Variants in FRAS1 observed in about 807,000 individuals in gnomAD.
FRAS1 encodes the protein extracellular matrix organizing protein FRAS1.
FRAS1 carries 290 observed loss-of-function variants against 435.2 expected under a neutral mutation model. The ratio of observed to expected loss-of-function variants is 0.67; its 90% CI spans 0.61 to 0.73. The LOEUF (loss-of-function observed/expected upper bound fraction) is 0.73, where lower values mean the gene tolerates loss of function less well. Among genes scored for constraint, FRAS1 ranks in the 30% least tolerant of loss-of-function variants. The pLI, the probability that FRAS1 is intolerant of heterozygous loss-of-function variation, is 0.00. For synonymous variants in FRAS1, 1,800 were observed against 1,851.0 expected, an observed-to-expected ratio of 0.97 and a Z score of 0.71; for missense variants, 4,860 against 5,001.5, an observed-to-expected ratio of 0.97 and a Z score of 0.85.
At chr4:78,412,883 C>G in intron 31 of FRAS1, 86 bp from the exon 32 acceptor site, 2 of 623,388 alleles carry the variant, frequency 3.2e-6, no homozygotes, top group Non-Finnish European at 5.4e-6. Flanking sequence ...TCAAAGACAG[C>G]TGGCTTAAAA....
intron 65 of FRAS1, among the ~76,000 whole-genome samples, chr4:78,514,137 G>T (rs1429012082): frequency 1.3e-5 from 2 of 152,244 alleles, no homozygotes. Flanking sequence ...TCTCGGCCAT[G>T]GCAGGGAGCT....
chr4:78,155,721 G>A (rs528846766), intron 2 of FRAS1, among the ~76,000 whole-genome samples: 3 of 152,204 alleles, frequency 2.0e-5, no homozygotes, highest in East Asian at 1.9e-4. Flanking sequence ...TTGCACTGTG[G>A]TATCTTTTAC....
At chr4:78,130,601 A>G (rs1269840674) in intron 2 of FRAS1, among the ~76,000 whole-genome samples, 1 of 152,206 alleles carries the variant, frequency 6.6e-6, no homozygotes, top group Non-Finnish European at 1.5e-5. Context: ...ATATTCAATT[A>G]TTCATTAACC....
intron 28 of FRAS1, among the ~76,000 whole-genome samples, chr4:78,386,577 T>C (rs1732225005): frequency 6.6e-6 from 1 of 152,198 alleles, no homozygotes; most frequent in Admixed American, 6.5e-5. Context: ...GAAAGCAGTG[T>C]GTTGAGAAAA....
At chr4:78,467,687 C>G (rs1719576505) in intron 50 of FRAS1, among the ~76,000 whole-genome samples, 1 of 152,182 alleles carries the variant, frequency 6.6e-6, no homozygotes, top group Admixed American at 6.5e-5. Flanking sequence ...TACATTCCCA[C>G]CAACAGTGTA....
chr4:78,214,979 C>T (rs1048394773), intron 2 of FRAS1, among the ~76,000 whole-genome samples: 5 of 152,014 alleles, frequency 3.3e-5, no homozygotes, highest in East Asian at 1.9e-4. Context: ...GTCTTTCCCC[C>T]GATCTCTAAA....
intron 50 of FRAS1, 36 bp from the exon 51 acceptor site, chr4:78,469,942 T>C (rs750617284): frequency 6.8e-7 from 1 of 1,477,574 alleles, no homozygotes; most frequent in Non-Finnish European, 9.4e-7. Flanking sequence ...CAGGTACTTG[T>C]GAATGATGAG....
rs555927708 is a variant in FRAS1, at chr4:78,300,943, T to G, written c.1535-7123T>G. ...CCCACCACCCCCACCACTGTTACTC[T>G]TTATTGCAGAGCCCTTTTTAGCACT... On this transcript the variant is annotated intron_variant, in intron 14 of 73. Transcript: ENST00000512123. 3.9e-4 allele frequency among the ~76,000 whole-genome samples: 60 copies of G among 152,318 alleles called. 1 individual carries two copies. In the South Asian group the frequency reaches 0.012, roughly 31 times the overall value.
intron 1 of FRAS1, among the ~76,000 whole-genome samples, chr4:78,062,046 T>C (rs983039854): frequency 6.6e-6 from 1 of 152,230 alleles, no homozygotes; most frequent in Non-Finnish European, 1.5e-5. Flanking sequence ...GATTGGATTC[T>C]GGGCATTACT....
chr4:78,184,889 G>C (rs1009530017), intron 2 of FRAS1, among the ~76,000 whole-genome samples: 24 of 152,164 alleles, frequency 1.6e-4, no homozygotes, highest in African/African-American at 5.5e-4. Flanking sequence ...TAAATAACTG[G>C]GAAAAAGTTT....
intron 2 of FRAS1, among the ~76,000 whole-genome samples, chr4:78,077,956 T>C (rs537262248): frequency 2.5e-4 from 38 of 151,084 alleles, no homozygotes; most frequent in Non-Finnish European, 4.3e-4. Context: ...GAAAACTCCA[T>C]GAATCCAAGT....
chr4:78,294,572 A>G (rs774471397), intron 14 of FRAS1, among the ~76,000 whole-genome samples: 46 of 152,242 alleles, frequency 3.0e-4, no homozygotes, highest in Admixed American at 5.2e-4. Flanking sequence ...CCTCTGACTT[A>G]TGAAGCAATG....
chr4:78,136,310 C>A (rs1323517609), intron 2 of FRAS1, among the ~76,000 whole-genome samples: 1 of 152,162 alleles, frequency 6.6e-6, no homozygotes, highest in East Asian at 1.9e-4. Context: ...TGTTTGACCT[C>A]TGCTGGGAAT....
At chr4:78,178,134 T>A (rs1331356384) in intron 2 of FRAS1, among the ~76,000 whole-genome samples, 1 of 152,160 alleles carries the variant, frequency 6.6e-6, no homozygotes, top group Non-Finnish European at 1.5e-5. Flanking sequence ...ATCACTTTAA[T>A]CTCTGTCTCT....
chr4:78,518,368 T>C (rs11731575), intron 66 of FRAS1, among the ~76,000 whole-genome samples: 20,584 of 148,880 alleles, frequency 0.14, 1,732 homozygotes, highest in Non-Finnish European at 0.2. Flanking sequence ...TAGTATATTA[T>C]AGTAATTAGC....
At position 78,482,416 on chromosome 4, in the gene FRAS1, C is replaced by T. The variant is rs751786938; in HGVS notation, c.8633C>T (p.Thr2878Ile). ...TGCACCTTGACTATCTTGGATGACA[C>T]TCAGTATCCGGTAATTGAAGGACTG... The part of the protein sequence containing the change: ...QYCTLTILDD[T>I]QYPVIEGLET... The change falls in exon 58 of 74, where the codon ACT becomes ATT. Residue 2878 changes from threonine (T) to isoleucine (I), a missense_variant. Thr to Ile is a moderately conservative substitution (Grantham distance 89, BLOSUM62 -1). Coordinates refer to ENST00000512123, the MANE Select transcript of FRAS1 (RefSeq NM_025074.7). 1 of 1,613,834 alleles carries T rather than the reference C, an allele frequency of 6.2e-7. No individual in the cohort carries two copies. The highest frequency in any genetic ancestry group is 8.5e-7 in the Non-Finnish European group (1 of 1,179,806).
chr4:78,234,874 T>C (rs2110111943), intron 2 of FRAS1, among the ~76,000 whole-genome samples: 1 of 152,362 alleles, frequency 6.6e-6, no homozygotes, highest in East Asian at 1.9e-4. Context: ...TCTACACCAA[T>C]GTTGGTATAT....
rs532170030 is a variant in FRAS1, at chr4:78,081,753, T to G, written c.108+15737T>G. Among the ~76,000 whole-genome samples the G allele has an allele frequency of 2.0e-5, 3 of 152,230 alleles. No homozygotes were observed. In the East Asian group the frequency reaches 5.8e-4, roughly 29 times the overall value. On this transcript the variant is annotated intron_variant, in intron 2 of 73. Transcript: ENST00000512123. ...TTAAGGAAGTCCAGGCCTGAGCAGCTGCCTCAGGGCATCGTAGCTGATGGA... is the reference window on the plus strand; with the variant it reads ...TTAAGGAAGTCCAGGCCTGAGCAGCGGCCTCAGGGCATCGTAGCTGATGGA...
At chr4:78,440,311 C>T (rs1393443217) in intron 40 of FRAS1, among the ~76,000 whole-genome samples, 2 of 152,114 alleles carry the variant, frequency 1.3e-5, no homozygotes, top group Non-Finnish European at 2.9e-5. Flanking sequence ...GGATTACAGG[C>T]GTGAGCCACC....
Sources: allele counts gnomAD v4.1 joint callset (sites outside exome capture counted in the v4.1 genomes callset), GRCh38; gene constraint gnomAD v4.1.1; transcripts MANE v1.5; gene names NCBI Gene and HGNC (gene_info 2026-07-23, HGNC 2026-07-21).